The following CTNNA3 variants were observed in gnomAD, a reference collection of about 807,000 sequenced individuals.
The protein encoded by CTNNA3 is catenin alpha 3.
CTNNA3 carries 76 observed loss-of-function variants against 95.7 expected under a neutral mutation model. That is an observed-to-expected ratio of 0.79 (90% CI 0.66 to 0.96). The LOEUF (loss-of-function observed/expected upper bound fraction) is 0.96. CTNNA3 is among the 40% of genes least tolerant of loss of function. The pLI is 0.00. For synonymous variants in CTNNA3, 431 were observed against 374.4 expected, an observed-to-expected ratio of 1.15 and a Z score of -1.74; for missense variants, 1,191 against 1,089.8, an observed-to-expected ratio of 1.09 and a Z score of -1.31.
At chr10:66,459,917 A>G (rs1350320226) in intron 11 of CTNNA3, among the ~76,000 whole-genome samples, 2 of 152,072 alleles carry the variant, frequency 1.3e-5, no homozygotes, top group Non-Finnish European at 2.9e-5. Flanking sequence ...AATTTCTTAT[A>G]TTGTTATTGA....
rs114447816 is a variant in CTNNA3 at position 66,771,203 on chromosome 10, A to G, written c.1128+4241T>C. Among the ~76,000 whole-genome samples, 474 of 152,288 alleles carry G rather than the reference A, an allele frequency of 3.1e-3. 3 individuals are homozygous for G. The highest frequency in any genetic ancestry group is 0.011 in the African/African-American group (460 of 41,570). On this transcript the variant is annotated intron_variant, in intron 8 of 17. Transcript: ENST00000433211. ...ACCAAAATCCCATTTGACATACTTC[A>G]TCTTTACTTTGATATTTATGAAATA...
Position 67,212,746 on chromosome 10 carries a change from T to C in CTNNA3, c.843+6861A>G, listed in dbSNP as rs1173155084. 2.0e-5 allele frequency among the ~76,000 whole-genome samples: 3 copies of C among 151,948 alleles called. No homozygotes were observed. The East Asian group carries it at 5.8e-4, about 29-fold the overall frequency. ...TAACTTGTTAATGAGGTGAATACCATCAGTAAATGTTCTAATGTTGAACTA... is the reference window on the plus strand; with the variant it reads ...TAACTTGTTAATGAGGTGAATACCACCAGTAAATGTTCTAATGTTGAACTA... On this transcript the variant is annotated intron_variant, in intron 6 of 17. Coordinates refer to ENST00000433211, the MANE Select transcript of CTNNA3 (RefSeq NM_013266.4).
At chr10:66,571,315 C>T (rs937814235) in intron 10 of CTNNA3, among the ~76,000 whole-genome samples, 5 of 152,114 alleles carry the variant, frequency 3.3e-5, no homozygotes, top group African/African-American at 1.2e-4. Flanking sequence ...TTATCGCATT[C>T]CCTTTTGGAG....
chr10:66,227,069 A>C (rs1411731859), intron 13 of CTNNA3, among the ~76,000 whole-genome samples: 1 of 152,050 alleles, frequency 6.6e-6, no homozygotes, highest in Non-Finnish European at 1.5e-5. Context: ...CTCACTGTGT[A>C]GCCCAGGCTG....
chr10:66,217,199 CAA>C (rs1352326703), intron 13 of CTNNA3, among the ~76,000 whole-genome samples: 16 of 151,876 alleles, frequency 1.1e-4, no homozygotes, highest in Non-Finnish European at 1.9e-4. Flanking sequence ...ACTAAAAATA[CAA>C]AAATTAGCTG....
At chr10:66,383,767 C>A (rs1202686155) in intron 11 of CTNNA3, among the ~76,000 whole-genome samples, 1 of 152,150 alleles carries the variant, frequency 6.6e-6, no homozygotes, top group South Asian at 2.1e-4. Flanking sequence ...ACCCTACAAG[C>A]CAGAAGAGAG....
chr10:66,748,641 T>C (rs993878231), intron 9 of CTNNA3, among the ~76,000 whole-genome samples: 3 of 152,200 alleles, frequency 2.0e-5, no homozygotes, highest in Non-Finnish European at 4.4e-5. Flanking sequence ...TACCTGAGAT[T>C]TGTTAAATGA....
chr10:66,360,053 T>A (rs2092641645), intron 12 of CTNNA3, among the ~76,000 whole-genome samples: 1 of 152,048 alleles, frequency 6.6e-6, no homozygotes, highest in East Asian at 1.9e-4. Context: ...GGTCTCGAAC[T>A]CCTGACCTCA....
In CTNNA3 at chr10:65,920,603, T is replaced by C. The variant is rs1380714422; in HGVS notation, c.2415A>G (p.Thr805=). Residue 805 remains threonine (T), a synonymous_variant, in exon 18 of 18, where the codon ACA becomes ACG. Coordinates refer to ENST00000433211, the MANE Select transcript of CTNNA3 (RefSeq NM_013266.4). ...ELIMSALDSV[T]SLIQAAKNLM... is the part of the protein sequence containing the mutation. ...AATTTTTGGCTGCTTGGATCAGGGA[T>C]GTGACACTGTCCAACTGTAGGGAAA... The C allele has an allele frequency of 1.9e-6, 3 of 1,613,342 alleles. No individual in the cohort carries two copies. Among genetic ancestry groups the C allele is most frequent in the Non-Finnish European group, 2.5e-6 (3 of 1,179,438 alleles).
chr10:67,737,826 C>T (rs1483086549), intron 1 of CTNNA3, among the ~76,000 whole-genome samples: 1 of 152,170 alleles, frequency 6.6e-6, no homozygotes, highest in Non-Finnish European at 1.5e-5. Flanking sequence ...ACTAGTTCAA[C>T]CATTGTGGAA....
At chr10:67,463,690 A>T (rs1847467813) in intron 5 of CTNNA3, among the ~76,000 whole-genome samples, 1 of 152,214 alleles carries the variant, frequency 6.6e-6, no homozygotes, top group South Asian at 2.1e-4. Flanking sequence ...ATCTTGAATT[A>T]CCTAATAATT....
intron 15 of CTNNA3, among the ~76,000 whole-genome samples, chr10:66,048,810 T>A (rs1263457001): frequency 3.9e-5 from 6 of 151,932 alleles, no homozygotes; most frequent in Non-Finnish European, 2.9e-5. Context: ...AAGACTTAAA[T>A]GTAAAACCCA....
intron 1 of CTNNA3, among the ~76,000 whole-genome samples, chr10:67,680,435 C>T (rs890461874): frequency 2.0e-5 from 3 of 152,180 alleles, no homozygotes; most frequent in Non-Finnish European, 2.9e-5. Flanking sequence ...TCAATCATGG[C>T]TTGGGTGAGA....
rs1271477850 is a variant in CTNNA3, at chr10:65,916,043, T to C, written c.*4287A>G. 1 of 152,140 alleles carries C rather than the reference T, an allele frequency of 6.6e-6. No homozygotes were observed. Among genetic ancestry groups the C allele is most frequent in the Non-Finnish European group, 1.5e-5 (1 of 68,028 alleles). The allele number at this position is 152,140 out of a possible 1,614,324, so 9.4% of individuals were successfully genotyped here. A position where few individuals can be genotyped will look rare whatever the true frequency, so the allele number is the denominator to read the frequency against. On this transcript the variant is annotated 3_prime_UTR_variant, in exon 18 of 18. Coordinates refer to ENST00000433211, the MANE Select transcript of CTNNA3 (RefSeq NM_013266.4). ...AAAACTCTCAAACTGCTATTGTTAT[T>C]AGTCCTGGCTTATTTGTTTAGTGGT...
chr10:67,492,133 A>G (rs1451982716), intron 5 of CTNNA3, among the ~76,000 whole-genome samples: 1 of 152,110 alleles, frequency 6.6e-6, no homozygotes, highest in Admixed American at 6.5e-5. Context: ...TAGGGGAAAG[A>G]AAGAAAAATG....
chr10:66,332,985 T>C (rs1192655863), intron 12 of CTNNA3, among the ~76,000 whole-genome samples: 2 of 152,140 alleles, frequency 1.3e-5, no homozygotes, highest in African/African-American at 4.8e-5. Context: ...AATTTATCCA[T>C]TTCTTTGAGA....
chr10:66,937,246 C>T (rs1427296285), intron 7 of CTNNA3, among the ~76,000 whole-genome samples: 3 of 152,062 alleles, frequency 2.0e-5, no homozygotes, highest in African/African-American at 4.8e-5. Context: ...GTCTCAACAT[C>T]GTCATCCTAA....
At chr10:66,052,380 A>G (rs1193844223) in intron 15 of CTNNA3, among the ~76,000 whole-genome samples, 1 of 152,144 alleles carries the variant, frequency 6.6e-6, no homozygotes, top group Non-Finnish European at 1.5e-5. Context: ...CTTTGAGGTG[A>G]GTACTTACTT....
rs554222998 is a variant in CTNNA3 at position 66,108,437 on chromosome 10, C to G, written c.1885-5188G>C. Among the ~76,000 whole-genome samples, 3 of 152,250 alleles carry G rather than the reference C, an allele frequency of 2.0e-5. No individual in the cohort carries two copies. In the South Asian group the frequency reaches 6.2e-4, roughly 32 times the overall value. Reference sequence around the variant, plus strand: ...ATTTACCCCTTCTTGCAGACTGGATCCTTCTCGGCATGGGAGCTCAGATGC... The same window carrying G: ...ATTTACCCCTTCTTGCAGACTGGATGCTTCTCGGCATGGGAGCTCAGATGC... On this transcript the variant is annotated intron_variant, in intron 13 of 17. Transcript: ENST00000433211.
Sources: allele counts gnomAD v4.1 joint callset (sites outside exome capture counted in the v4.1 genomes callset), GRCh38; gene constraint gnomAD v4.1.1; transcripts MANE v1.5; gene names NCBI Gene and HGNC (gene_info 2026-07-23, HGNC 2026-07-21).